The following DEPDC5 variants were observed in gnomAD, a reference collection of about 807,000 sequenced individuals.
The protein encoded by DEPDC5 is DEP domain containing 5, GATOR1 subcomplex subunit.
In DEPDC5, 73 loss-of-function variants were observed where a neutral mutation model predicts 217.3. The observed-to-expected ratio is 0.34, with a 90% confidence interval of 0.28 to 0.41. The LOEUF (loss-of-function observed/expected upper bound fraction) is 0.41, where lower values mean the gene tolerates loss of function less well. DEPDC5 is among the 10% of genes least tolerant of loss of function. The pLI is 1.00. For synonymous variants in DEPDC5, 733 were observed against 756.7 expected, an observed-to-expected ratio of 0.97 and a Z score of 0.51; for missense variants, 1,675 against 2,070.1, an observed-to-expected ratio of 0.81 and a Z score of 3.70.
At chr22:31,810,416 T>C (rs2088140511) in intron 19 of DEPDC5, 105 bp from the exon 20 acceptor site, 1 of 1,540,240 alleles carries the variant, frequency 6.5e-7, no homozygotes. Context: ...AAGGCCTCTG[T>C]TTGAAATGTA....
chr22:31,770,071 GA>G (rs759866602), intron 7 of DEPDC5, among the ~76,000 whole-genome samples: 234 of 106,544 alleles, frequency 2.2e-3, no homozygotes, highest in African/African-American at 6.1e-3. Context: ...AAAAAAAAGA[GA>G]AAAAAAAAAA....
chr22:31,776,832 C>T (rs1045062317), intron 7 of DEPDC5, among the ~76,000 whole-genome samples: 1 of 151,950 alleles, frequency 6.6e-6, no homozygotes, highest in Non-Finnish European at 1.5e-5. Context: ...GCCTTGGCCT[C>T]CCAAAGTGCT....
chr22:31,821,013 TCTC>T (rs1347903994), intron 22 of DEPDC5, among the ~76,000 whole-genome samples: 1 of 152,228 alleles, frequency 6.6e-6, no homozygotes, highest in African/African-American at 2.4e-5. Flanking sequence ...CTCTACAAGT[TCTC>T]CTTTCCCAGG....
At chr22:31,847,634 A>AG (rs779530595) in intron 31 of DEPDC5, among the ~76,000 whole-genome samples, 4 of 152,168 alleles carry the variant, frequency 2.6e-5, no homozygotes, top group Non-Finnish European at 2.9e-5. Context: ...AACAGCCTGG[A>AG]GGTAACTGCC....
rs1174538326 is a variant in DEPDC5, at chr22:31,754,047, G to A, written c.-178G>A. ...CCTAGTAGGCGCTTCAGGCTTAGGG[G>A]CGGAACAGCGCGGGCCGCGCGGGCG... On this transcript the variant is annotated 5_prime_UTR_variant, in exon 1 of 43. Coordinates refer to ENST00000651528, the MANE Select transcript of DEPDC5 (RefSeq NM_001242896.3). 1.5e-3 allele frequency: 2 copies of A among 1,296 alleles called. No homozygotes were observed. Among genetic ancestry groups the A allele is most frequent in the African/African-American group, 0.091 (2 of 22 alleles). 0.1% of individuals were successfully genotyped at this position (1,296 alleles called of 1,614,324 possible). A position where few individuals can be genotyped will look rare whatever the true frequency, so the allele number is the denominator to read the frequency against.
intron 10 of DEPDC5, among the ~76,000 whole-genome samples, chr22:31,791,287 G>C (rs927620774): frequency 6.6e-6 from 1 of 152,058 alleles, no homozygotes; most frequent in Non-Finnish European, 1.5e-5. Flanking sequence ...CCCCTGCACT[G>C]CAGCCTATAA....
intron 21 of DEPDC5, among the ~76,000 whole-genome samples, chr22:31,818,259 G>A (rs1285932680): frequency 2.6e-5 from 4 of 151,996 alleles, no homozygotes; most frequent in Non-Finnish European, 4.4e-5. Flanking sequence ...CCATTTCTTC[G>A]TTATTTTTTT....
intron 20 of DEPDC5, among the ~76,000 whole-genome samples, chr22:31,812,676 A>G (rs148162539): frequency 0.037 from 5,310 of 145,018 alleles, 346 homozygotes; most frequent in African/African-American, 0.075. Context: ...CGCACACCTC[A>G]GCCTCCCAAA....
intron 2 of DEPDC5, 22 bp downstream of exon 2, chr22:31,755,001 G>T (rs750289826): frequency 6.2e-7 from 1 of 1,614,072 alleles, no homozygotes; most frequent in African/African-American, 1.3e-5. Context: ...TTGGTCTTTA[G>T]AGGTTTTGTA....
chr22:31,878,070 C>T (rs895034896), intron 37 of DEPDC5, among the ~76,000 whole-genome samples: 1 of 151,880 alleles, frequency 6.6e-6, no homozygotes, highest in African/African-American at 2.4e-5. Flanking sequence ...GCCTGTAGAC[C>T]CAGCTACTTG....
intron 36 of DEPDC5, among the ~76,000 whole-genome samples, chr22:31,874,613 T>C (rs569874603): frequency 2.1e-4 from 32 of 152,294 alleles, no homozygotes; most frequent in African/African-American, 6.5e-4. Context: ...CCGTGCAGAA[T>C]TTATTGTCTG....
chr22:31,869,670 G>A (rs905672630), intron 33 of DEPDC5, among the ~76,000 whole-genome samples: 4 of 152,016 alleles, frequency 2.6e-5, no homozygotes, highest in Admixed American at 6.6e-5. Flanking sequence ...ATACACACAC[G>A]GTGTCATTTG....
At chr22:31,823,767 A>G (rs188324437) in intron 24 of DEPDC5, among the ~76,000 whole-genome samples, 1 of 152,180 alleles carries the variant, frequency 6.6e-6, no homozygotes, top group South Asian at 2.1e-4. Flanking sequence ...TATTTTATAC[A>G]TGGGCAACTT....
intron 7 of DEPDC5, among the ~76,000 whole-genome samples, chr22:31,771,715 TCACACACACACACACACACACA>T (rs55851105): frequency 2.9e-3 from 228 of 78,088 alleles, no homozygotes; most frequent in African/African-American, 9.7e-3. Context: ...CAAGACTCCG[TCACACACACACACACACACACA>T]CACACACACA....
At chr22:31,859,294 T>A (rs1332875284) in intron 32 of DEPDC5, among the ~76,000 whole-genome samples, 2 of 151,480 alleles carry the variant, frequency 1.3e-5, no homozygotes, top group Non-Finnish European at 2.9e-5. Context: ...GGTTTCACTG[T>A]GTTAGCCAGG....
intron 4 of DEPDC5, among the ~76,000 whole-genome samples, chr22:31,764,371 T>C (rs2082640821): frequency 6.6e-6 from 1 of 152,104 alleles, no homozygotes; most frequent in Non-Finnish European, 1.5e-5. Flanking sequence ...TCCTTTCTCT[T>C]CTGGAGTTTT....
intron 5 of DEPDC5, 75 bp from the exon 6 acceptor site, chr22:31,766,510 G>T: frequency 6.9e-7 from 1 of 1,441,050 alleles, no homozygotes; most frequent in South Asian, 1.2e-5. Flanking sequence ...TTTTTCCATG[G>T]TAAGTGGGCA....
At chr22:31,900,007 C>T (rs560197817) in intron 40 of DEPDC5, among the ~76,000 whole-genome samples, 4 of 152,276 alleles carry the variant, frequency 2.6e-5, no homozygotes, top group African/African-American at 9.6e-5. Context: ...TTCTGCTCTC[C>T]TCCCCAGCTG....
intron 2 of DEPDC5, among the ~76,000 whole-genome samples, chr22:31,756,993 C>T (rs1049959954): frequency 3.3e-5 from 5 of 150,714 alleles, no homozygotes; most frequent in African/African-American, 7.3e-5. Flanking sequence ...CTGTGCCAGA[C>T]GTAATGATTA....
Sources: allele counts gnomAD v4.1 joint callset (sites outside exome capture counted in the v4.1 genomes callset), GRCh38; gene constraint gnomAD v4.1.1; transcripts MANE v1.5; gene names NCBI Gene and HGNC (gene_info 2026-07-23, HGNC 2026-07-21).